Variants in SLC25A48 observed in about 807,000 individuals in gnomAD.
The protein encoded by SLC25A48 is solute carrier family 25 member 48.
Under a neutral mutation model 32.2 loss-of-function variants are expected in SLC25A48, and 29 were observed. The ratio of observed to expected loss-of-function variants is 0.90; its 90% confidence interval spans 0.67 to 1.23. The LOEUF is 1.23. Ranked by LOEUF, SLC25A48 falls within the 50% of genes most tolerant of loss-of-function variation. SLC25A48 has a pLI of 0.00. For synonymous variants in SLC25A48, 164 were observed against 172.3 expected, an observed-to-expected ratio of 0.95 and a Z score of 0.38; for missense variants, 399 against 422.7, an observed-to-expected ratio of 0.94 and a Z score of 0.49.
intron 3 of SLC25A48, among the ~76,000 whole-genome samples, chr5:135,732,381 G>A (rs1310675685): frequency 6.6e-6 from 1 of 152,132 alleles, no homozygotes; most frequent in African/African-American, 2.4e-5. Context: ...GCCTTCTGAG[G>A]CCCTGTGGGA....
At position 135,888,147 on chromosome 5, in the gene SLC25A48, G is replaced by A; in HGVS notation, c.*123G>A. 1 of 1,498,460 alleles carries A rather than the reference G, an allele frequency of 6.7e-7. No homozygotes were observed. Among genetic ancestry groups the A allele is most frequent in the Non-Finnish European group, 9.1e-7 (1 of 1,100,288 alleles). The allele number at this position is 1,498,460 out of a possible 1,614,324, so 92.8% of individuals were successfully genotyped here. ...CAAGTGGACATCAATTAGCAAGCGT[G>A]GGCTAGGATGGTGCAGACACTGACG... On this transcript the variant is annotated 3_prime_UTR_variant, in exon 8 of 8. Transcript: ENST00000681962.
chr5:135,868,446 A>G (rs1193969487), intron 4 of SLC25A48, among the ~76,000 whole-genome samples: 1 of 152,238 alleles, frequency 6.6e-6, no homozygotes, highest in Non-Finnish European at 1.5e-5. Context: ...ATGAAGATCA[A>G]ATGACAATTT....
chr5:135,739,081 CAACAAACA>C (rs935044498), intron 3 of SLC25A48, among the ~76,000 whole-genome samples: 10 of 151,918 alleles, frequency 6.6e-5, no homozygotes, highest in African/African-American at 2.4e-5. Flanking sequence ...TACTCCATCT[CAACAAACA>C]AACAAACAAA....
At chr5:135,881,120 C>T (rs889786598) in intron 7 of SLC25A48, among the ~76,000 whole-genome samples, 22 of 152,252 alleles carry the variant, frequency 1.4e-4, no homozygotes, top group African/African-American at 3.6e-4. Flanking sequence ...CAGGCCTCCT[C>T]TTCCTCCCTG....
At chr5:135,825,615 G>C (rs1422688940) in intron 4 of SLC25A48, 1 of 152,732 alleles carries the variant, frequency 6.5e-6, no homozygotes, top group African/African-American at 2.4e-5. Context: ...CCTGGGAGGG[G>C]GGCTTGCATC....
chr5:135,883,322 C>A, intron 7 of SLC25A48: 3 of 985,500 alleles, frequency 3.0e-6, no homozygotes, highest in Non-Finnish European at 2.4e-6. Flanking sequence ...TGGTAACAAA[C>A]AAACGAACAG....
chr5:135,762,725 A>C (rs1459593901), intron 3 of SLC25A48, among the ~76,000 whole-genome samples: 4 of 152,040 alleles, frequency 2.6e-5, no homozygotes, highest in Non-Finnish European at 5.9e-5. Context: ...GTGTAAGTTG[A>C]ATATGAGTGT....
At chr5:135,597,148 A>G (rs1278979460) in intron 1 of SLC25A48, among the ~76,000 whole-genome samples, 1 of 152,226 alleles carries the variant, frequency 6.6e-6, no homozygotes, top group Non-Finnish European at 1.5e-5. Context: ...TGAGGATTAA[A>G]TGAGTTAATG....
chr5:135,738,082 C>T lies in SLC25A48; in HGVS notation c.-520-74441C>T, dbSNP rs368435099. 9.2e-5 allele frequency among the ~76,000 whole-genome samples: 14 copies of T among 152,322 alleles called. No individual in the cohort carries two copies. The East Asian group carries it at 1.9e-3, about 21-fold the overall frequency. Reference sequence around the variant, plus strand: ...TGATAGAGACTTTCCTCGATACTCTCAGGTTTCTAGCTACTCTGTCTCCAT... The same window carrying T: ...TGATAGAGACTTTCCTCGATACTCTTAGGTTTCTAGCTACTCTGTCTCCAT... On this transcript the variant is annotated intron_variant, in intron 3 of 10. Coordinates refer to the SLC25A48 transcript ENST00000646290.
chr5:135,602,614 C>CTTTTTTTTTTTTTTTT (rs781288614), intron 1 of SLC25A48, among the ~76,000 whole-genome samples: 1 of 139,724 alleles, frequency 7.2e-6, no homozygotes, highest in Non-Finnish European at 1.6e-5. Flanking sequence ...TTTTTTCTTT[C>CTTTTTTTTTTTTTTTT]TTTTTTTTTT....
chr5:135,858,482 C>T (rs976141367), intron 4 of SLC25A48, among the ~76,000 whole-genome samples: 9 of 152,230 alleles, frequency 5.9e-5, no homozygotes, highest in Admixed American at 5.2e-4. Context: ...CCAGTGTTTA[C>T]TGAACCCTAA....
chr5:135,852,758 C>T lies in SLC25A48; in HGVS notation c.358C>T (p.Leu120=). 1 of 1,614,034 alleles carries T rather than the reference C, an allele frequency of 6.2e-7. No homozygotes were observed. The highest frequency in any genetic ancestry group is 8.5e-7 in the Non-Finnish European group (1 of 1,179,952). ...SMVAGVVSVG[L]GGPVDLIKIR... Reference sequence around the variant, plus strand: ...GGTGGCCGGCGTGGTCTCTGTCGGGCTGGGAGGGCCCGTGGACCTCATCAA... The same window carrying T: ...GGTGGCCGGCGTGGTCTCTGTCGGGTTGGGAGGGCCCGTGGACCTCATCAA... The change falls in exon 4 of 8, where the codon CTG becomes TTG. Residue 120 remains leucine, a synonymous_variant. Transcript: ENST00000681962.
intron 1 of SLC25A48, among the ~76,000 whole-genome samples, chr5:135,837,720 G>A (rs1369249013): frequency 6.6e-6 from 1 of 152,182 alleles, no homozygotes; most frequent in Non-Finnish European, 1.5e-5. Flanking sequence ...CTGGCACCAT[G>A]TAAGATGTGA....
intron 3 of SLC25A48, among the ~76,000 whole-genome samples, chr5:135,773,176 A>G (rs1395504884): frequency 2.0e-5 from 3 of 151,502 alleles, no homozygotes; most frequent in Non-Finnish European, 4.4e-5. Context: ...TGAATATCGC[A>G]GGGGGTATAC....
At chr5:135,736,240 A>T (rs1274052658) in intron 3 of SLC25A48, among the ~76,000 whole-genome samples, 1 of 152,144 alleles carries the variant, frequency 6.6e-6, no homozygotes, top group East Asian at 1.9e-4. Context: ...AAATGCCTGG[A>T]TGTAAGGCAT....
rs538719576 is a variant in SLC25A48 at position 135,817,121 on chromosome 5, A to G, written c.-117+4195A>G. 2.2e-3 allele frequency among the ~76,000 whole-genome samples: 336 copies of G among 152,334 alleles called. 4 individuals are homozygous for G. The highest frequency in any genetic ancestry group is 4.2e-3 in the Non-Finnish European group (285 of 68,030). The stretch of plus-strand genomic sequence containing the variant: ...TATAGCAGCAGTGCTCAATGGGGCC[A>G]ATTTCCCCCCCAGGGAACATCTGGC... On this transcript the variant is annotated intron_variant, in intron 4 of 10. Transcript: ENST00000646290.
chr5:135,850,530 G>T (rs1472824073), intron 3 of SLC25A48, 34 bp downstream of exon 3: 1 of 1,609,212 alleles, frequency 6.2e-7, no homozygotes, highest in Non-Finnish European at 8.5e-7. Context: ...AGTGATGCCT[G>T]CCTGGGCCCC....
chr5:135,801,755 A>G (rs192940484), intron 3 of SLC25A48, among the ~76,000 whole-genome samples: 1 of 151,638 alleles, frequency 6.6e-6, no homozygotes. Context: ...TGCACCCCGC[A>G]GTGATATTGT....
chr5:135,656,808 A>G (rs1356280025), intron 3 of SLC25A48, among the ~76,000 whole-genome samples: 3 of 152,194 alleles, frequency 2.0e-5, no homozygotes, highest in Non-Finnish European at 2.9e-5. Flanking sequence ...TGGGACTGCC[A>G]CTGCCAGCAA....
Sources: allele counts gnomAD v4.1 joint callset (sites outside exome capture counted in the v4.1 genomes callset), GRCh38; gene constraint gnomAD v4.1.1; transcripts MANE v1.5; gene names NCBI Gene and HGNC (gene_info 2026-07-23, HGNC 2026-07-21).